Variants in IGF1 observed in about 807,000 individuals in gnomAD.
IGF1 encodes insulin-like growth factor 1.
In IGF1, 4 loss-of-function variants were observed where a neutral mutation model predicts 13.8. The observed-to-expected ratio is 0.29, with a 90% confidence interval of 0.14 to 0.66. The LOEUF (loss-of-function observed/expected upper bound fraction) is 0.66. IGF1 is among the 30% of genes least tolerant of loss of function. IGF1 has a pLI of 0.78. For missense variants in IGF1, 124 were observed against 188.5 expected, an observed-to-expected ratio of 0.66 and a Z score of 2.00; for synonymous variants, 76 against 72.6, an observed-to-expected ratio of 1.05 and a Z score of -0.23.
At chr12:102,403,893 C>T (rs758473913) in intron 3 of IGF1, among the ~76,000 whole-genome samples, 10 of 152,132 alleles carry the variant, frequency 6.6e-5, no homozygotes, top group Non-Finnish European at 1.0e-4. Context: ...CAATAAATAT[C>T]TGTAAAATGA....
intron 2 of IGF1, among the ~76,000 whole-genome samples, chr12:102,432,852 A>G (rs889609194): frequency 3.9e-5 from 5 of 128,658 alleles, no homozygotes; most frequent in Admixed American, 8.0e-5. Flanking sequence ...ATAAAAATAC[A>G]TACATACATA....
chr12:102,414,577 A>C (rs17878318), intron 3 of IGF1, among the ~76,000 whole-genome samples: 4,864 of 152,092 alleles, frequency 0.032, 294 homozygotes, highest in East Asian at 0.27. Flanking sequence ...GCGTGCCACC[A>C]TGCCCAGGTA....
chr12:102,440,152 A>G lies in IGF1; in HGVS notation c.221-20462T>C, dbSNP rs1877588287. 2.0e-5 allele frequency among the ~76,000 whole-genome samples: 3 copies of G among 152,152 alleles called. No homozygotes were observed. The South Asian group carries it at 6.2e-4, about 32-fold the overall frequency. ...AGAAATCCTCCATTCCTGTCATAAG[A>G]CAGACCCCACACTGTCCAAATCCGC... On this transcript the variant is annotated intron_variant, in intron 2 of 3. Coordinates refer to ENST00000337514, the MANE Select transcript of IGF1 (RefSeq NM_000618.5).
chr12:102,447,817 C>G (rs371709024), intron 2 of IGF1, among the ~76,000 whole-genome samples: 1 of 152,278 alleles, frequency 6.6e-6, no homozygotes, highest in East Asian at 1.9e-4. Flanking sequence ...ACCATAAAAA[C>G]TCTAGAAGAA....
intron 2 of IGF1, among the ~76,000 whole-genome samples, chr12:102,432,369 A>G (rs1349229988): frequency 6.6e-6 from 1 of 152,244 alleles, no homozygotes; most frequent in African/African-American, 2.4e-5. Context: ...CTTTGTACAC[A>G]TAACATTCTA....
chr12:102,396,834 A>G lies in IGF1; in HGVS notation c.*5673T>C. ...AAAAGCTTGGATTTTTTTCCCCTTGAAAGACCCCATCAAAGATAGTTGAAG... is the reference window on the plus strand; with the variant it reads ...AAAAGCTTGGATTTTTTTCCCCTTGGAAGACCCCATCAAAGATAGTTGAAG... On this transcript the variant is annotated 3_prime_UTR_variant, in exon 4 of 4. Transcript: ENST00000337514. 1 of 397,710 alleles carries G rather than the reference A, an allele frequency of 2.5e-6. No individual in the cohort carries two copies. Among genetic ancestry groups the G allele is most frequent in the Non-Finnish European group, 4.4e-6 (1 of 225,832 alleles). The allele number at this position is 397,710 out of a possible 1,614,324, so 24.6% of individuals were successfully genotyped here.
chr12:102,479,360 T>C (rs545446019), intron 1 of IGF1, among the ~76,000 whole-genome samples: 1 of 152,278 alleles, frequency 6.6e-6, no homozygotes, highest in East Asian at 1.9e-4. Context: ...CCTCAGGCAA[T>C]TGAATCGGTG....
intron 3 of IGF1, chr12:102,417,429 A>G (rs1365614682): frequency 7.7e-6 from 4 of 518,058 alleles, no homozygotes; most frequent in Non-Finnish European, 1.0e-5. Context: ...ACATATATTG[A>G]CATAGGCAAT....
In IGF1 at chr12:102,480,300, A is replaced by G. The variant is rs1240697456; in HGVS notation, c.63+19T>C. On this transcript the variant is annotated intron_variant, in intron 1 of 3. Transcript: ENST00000337514. ...TAAATAGAATTCCCCAATGACTTCA[A>G]AGAGTAAGAAATATTTACCTTCAAG... The G allele has an allele frequency of 6.2e-7, 1 of 1,608,390 alleles. No homozygotes were observed. Among genetic ancestry groups the G allele is most frequent in the Non-Finnish European group, 8.5e-7 (1 of 1,175,374 alleles).
Position 102,402,456 on chromosome 12 carries a change from G to A in IGF1, c.*51C>T, listed in dbSNP as rs757012625. 6 of 780,396 alleles carry A rather than the reference G, an allele frequency of 7.7e-6. No homozygotes were observed. Among genetic ancestry groups the A allele is most frequent in the South Asian group, 1.3e-5 (1 of 74,618 alleles). 48.3% of individuals were successfully genotyped at this position (780,396 alleles called of 1,614,324 possible). A position where few individuals can be genotyped will look rare whatever the true frequency, so the allele number is the denominator to read the frequency against. The stretch of plus-strand genomic sequence containing the variant: ...AAGTTTAACAGGTAACTCGTGCAGA[G>A]CAAAGGATCCTGCGGTGGCATGTCA... On this transcript the variant is annotated 3_prime_UTR_variant, in exon 4 of 4. Transcript: ENST00000337514.
At chr12:102,462,615 T>C (rs1218655875) in intron 2 of IGF1, 2 of 152,210 alleles carry the variant, frequency 1.3e-5, no homozygotes, top group African/African-American at 2.4e-5. Flanking sequence ...TTATGATTCA[T>C]ATGACTCAGG....
intron 2 of IGF1, among the ~76,000 whole-genome samples, chr12:102,442,231 G>T (rs1877928272): frequency 6.6e-6 from 1 of 151,934 alleles, no homozygotes; most frequent in South Asian, 2.1e-4. Context: ...TTTCAGGAGT[G>T]AGCCACTGCA....
At chr12:102,422,546 G>T (rs1384483275) in intron 2 of IGF1, among the ~76,000 whole-genome samples, 2 of 152,114 alleles carry the variant, frequency 1.3e-5, no homozygotes, top group Non-Finnish European at 2.9e-5. Context: ...TCAAAGTTTT[G>T]TTCCATATCT....
At chr12:102,446,870 A>G (rs1302243949) in intron 2 of IGF1, among the ~76,000 whole-genome samples, 1 of 152,062 alleles carries the variant, frequency 6.6e-6, no homozygotes, top group African/African-American at 2.4e-5. Context: ...AATGCTGTAA[A>G]TTTCCCTCTA....
intron 3 of IGF1, among the ~76,000 whole-genome samples, chr12:102,408,239 A>G (rs926648904): frequency 6.6e-6 from 1 of 152,232 alleles, no homozygotes; most frequent in Non-Finnish European, 1.5e-5. Flanking sequence ...GGGATGTGCT[A>G]TAGCAATTTT....
chr12:102,446,716 A>C (rs145886860), intron 2 of IGF1, among the ~76,000 whole-genome samples: 1 of 152,008 alleles, frequency 6.6e-6, no homozygotes, highest in Non-Finnish European at 1.5e-5. Flanking sequence ...TCATGTCTCT[A>C]TCTCTTTCAG....
intron 2 of IGF1, among the ~76,000 whole-genome samples, chr12:102,448,427 A>G (rs909092777): frequency 1.4e-5 from 2 of 147,746 alleles, no homozygotes; most frequent in Non-Finnish European, 3.0e-5. Flanking sequence ...TTCTCAGTAA[A>G]CTATCGCAAG....
At chr12:102,411,422 A>C (rs1413569240) in intron 3 of IGF1, among the ~76,000 whole-genome samples, 1 of 152,212 alleles carries the variant, frequency 6.6e-6, no homozygotes, top group Non-Finnish European at 1.5e-5. Flanking sequence ...CACAGATGGC[A>C]GGGCTAGTTG....
At chr12:102,436,331 C>T (rs1436886975) in intron 2 of IGF1, among the ~76,000 whole-genome samples, 1 of 152,218 alleles carries the variant, frequency 6.6e-6, no homozygotes, top group Non-Finnish European at 1.5e-5. Flanking sequence ...GAAACACAAG[C>T]TAGTCTTCTG....
Sources: gnomAD v4.1 joint callset for allele counts (sites outside exome capture counted in the v4.1 genomes callset) on GRCh38, gnomAD v4.1.1 for gene constraint, MANE v1.5 for transcripts, NCBI Gene and HGNC (gene_info 2026-07-23, HGNC 2026-07-21) for gene names.